TAGLN2: variants seen among roughly 807,000 people sequenced by gnomAD.
TAGLN2 encodes transgelin 2.
Under a neutral mutation model 24.9 loss-of-function variants are expected in TAGLN2, and 14 were observed. That is an observed-to-expected ratio of 0.56 (90% CI 0.37 to 0.88). TAGLN2 has a LOEUF of 0.88. Among genes scored for constraint, TAGLN2 ranks in the 40% least tolerant of loss-of-function variants. The pLI is 0.00. For missense variants in TAGLN2, 208 were observed against 258.9 expected, an observed-to-expected ratio of 0.80 and a Z score of 1.35; for synonymous variants, 77 against 98.2, an observed-to-expected ratio of 0.78 and a Z score of 1.28.
intron 1 of TAGLN2, among the ~76,000 whole-genome samples, chr1:159,922,687 T>C (rs749448915): frequency 6.6e-6 from 1 of 152,110 alleles, no homozygotes; most frequent in Non-Finnish European, 1.5e-5. Flanking sequence ...AGGGACCAAG[T>C]GGCCTGAGGC....
intron 3 of TAGLN2, 38 bp from the exon 4 acceptor site, chr1:159,919,414 G>A: frequency 6.3e-7 from 1 of 1,594,884 alleles, no homozygotes; most frequent in Non-Finnish European, 8.6e-7. Context: ...CCTCCGCAGT[G>A]TCCTAGATAC....
intron 1 of TAGLN2, chr1:159,923,716 C>T (rs1027816132): frequency 7.1e-6 from 3 of 425,530 alleles, no homozygotes; most frequent in African/African-American, 6.1e-5. Context: ...CCCTCACCAC[C>T]GAGAGTCAGG....
At position 159,920,369 on chromosome 1, in the gene TAGLN2, A is replaced by G. The variant is rs1650489908; in HGVS notation, c.141T>C (p.Pro47=). The G allele has an allele frequency of 3.1e-6, 5 of 1,614,218 alleles. No homozygotes were observed. In the South Asian group the frequency reaches 4.4e-5, roughly 14 times the overall value. The change falls in exon 2 of 5, where the codon CCT becomes CCC. Residue 47 remains proline (P), a synonymous_variant. Coordinates refer to ENST00000368097, the MANE Select transcript of TAGLN2 (RefSeq NM_003564.3). ...QCRKDVGRPQ[P]GRENFQNWLK... ...GCCAGTTCTGGAAGTTCTCGCGTCC[A>G]GGCTGGGGCCGGCCCACATCCTTTC...
intron 2 of TAGLN2, 121 bp downstream of exon 2, chr1:159,920,209 G>A: frequency 6.6e-7 from 1 of 1,510,954 alleles, no homozygotes; most frequent in Non-Finnish European, 9.2e-7. Flanking sequence ...CCTTCAAGCT[G>A]AGGAAGAGGC....
At chr1:159,923,700 GGC>G in intron 1 of TAGLN2, 1 of 414,592 alleles carries the variant, frequency 2.4e-6, no homozygotes, top group Non-Finnish European at 4.3e-6. Context: ...ACCACCGTAG[GGC>G]AGCCCCTCAC....
intron 1 of TAGLN2, among the ~76,000 whole-genome samples, chr1:159,924,294 A>G (rs1650634578): frequency 6.6e-6 from 1 of 152,088 alleles, no homozygotes; most frequent in Non-Finnish European, 1.5e-5. Context: ...CCTCCTCTGC[A>G]GTTGTAGGTC....
In TAGLN2 at chr1:159,919,299, A is replaced by G. The variant is rs1346115228; in HGVS notation, c.433T>C (p.Ser145Pro). Residue 145 changes from serine to proline, a missense_variant, in exon 4 of 5, where the codon TCT becomes CCT. Coordinates refer to ENST00000368097, the MANE Select transcript of TAGLN2 (RefSeq NM_003564.3). ...TTAGGGAACCAGTTGGGATCCCCAG[A>G]GAAGAGCCCATCATCTCGGGCTACT... Reference protein sequence around the residue: ...LAVARDDGLFSGDPNWFPKKS... With the variant: ...LAVARDDGLFPGDPNWFPKKS... 1.2e-6 allele frequency: 2 copies of G among 1,614,220 alleles called. No individual in the cohort carries two copies. The highest frequency in any genetic ancestry group is 1.7e-6 in the Non-Finnish European group (2 of 1,180,020).
chr1:159,918,910 C>T lies in TAGLN2; in HGVS notation c.490G>A (p.Asp164Asn), dbSNP rs1345642511. 6.2e-7 allele frequency: 1 copy of T among 1,614,242 alleles called. No homozygotes were observed. Among genetic ancestry groups the T allele is most frequent in the Middle Eastern group, 1.6e-4 (1 of 6,062 alleles). ...TTCTTGCCCTCTTGCAGCTGGTTAT[C>T]CGAGAAGTTCCGAGGATTCTCCTTG... ...KSKENPRNFSDNQLQEGKNVI... is the reference protein window; with the variant it reads ...KSKENPRNFSNNQLQEGKNVI... Residue 164 changes from aspartate to asparagine, a missense_variant, in exon 5 of 5, where the codon GAT becomes AAT. By Grantham distance (23) the Asp-to-Asn change is conservative. Coordinates refer to ENST00000368097, the MANE Select transcript of TAGLN2 (RefSeq NM_003564.3).
rs1302041859 is a variant in TAGLN2, at chr1:159,918,383, CT to C, written c.*416del. 1 of 161,080 alleles carries C rather than the reference CT, an allele frequency of 6.2e-6. No individual in the cohort carries two copies. Among genetic ancestry groups the C allele is most frequent in the Non-Finnish European group, 1.4e-5 (1 of 73,214 alleles). 10.0% of individuals were successfully genotyped at this position (161,080 alleles called of 1,614,324 possible). On this transcript the variant is annotated 3_prime_UTR_variant, in exon 5 of 5. Coordinates refer to ENST00000368097, the MANE Select transcript of TAGLN2 (RefSeq NM_003564.3). ...CAGCCACAGCTGTGGGAGAAGCATA[CT>C]TGTAGAAGCAAGGCCAGTCCAGCAT... is the stretch of plus-strand genomic sequence containing the variant.
rs1650469535 is a variant in TAGLN2 at position 159,919,819 on chromosome 1, A to G, written c.197T>C (p.Ile66Thr). The G allele has an allele frequency of 1.2e-6, 2 of 1,614,002 alleles. No homozygotes were observed. Among genetic ancestry groups the G allele is most frequent in the Non-Finnish European group, 1.7e-6 (2 of 1,179,994 alleles). ...LKDGTVLCEL[I>T]NALYPEGQAP... ...CTGCCCCTCGGGGTACAGTGCATTAATGAGCTCACATAGCACCTGGATGAG... is the reference window on the plus strand; with the variant it reads ...CTGCCCCTCGGGGTACAGTGCATTAGTGAGCTCACATAGCACCTGGATGAG... The change falls in exon 3 of 5, where the codon ATT (isoleucine) becomes ACT (threonine). Residue 66 changes from isoleucine to threonine, a missense_variant. Transcript: ENST00000368097.
At chr1:159,919,605 C>A in intron 3 of TAGLN2, 56 bp downstream of exon 3, 1 of 1,594,758 alleles carries the variant, frequency 6.3e-7, no homozygotes, top group South Asian at 1.1e-5. Context: ...TCAAGAGGGC[C>A]CAGCCCAATC....
At position 159,919,364 on chromosome 1, in the gene TAGLN2, GCCATGT is replaced by G. The variant is rs1427164764; in HGVS notation, c.362_367del (p.Asn121_Ala123delinsThr). On this transcript the variant is annotated inframe_deletion, in exon 4 of 5. Coordinates refer to ENST00000368097, the MANE Select transcript of TAGLN2 (RefSeq NM_003564.3). ...ATTCATCAGCGTCCGCTGCACACAGGCCATGTTCTTTCCTGGGAAGGAGAATGGGAA... is the reference window on the plus strand; with the variant it reads ...ATTCATCAGCGTCCGCTGCACACAGGTCTTTCCTGGGAAGGAGAATGGGAA... The G allele has an allele frequency of 2.5e-6, 4 of 1,614,078 alleles. No individual in the cohort carries two copies. In the African/African-American group the frequency reaches 5.3e-5, roughly 22 times the overall value.
rs1271300147 is a variant in TAGLN2, at chr1:159,919,708, T to A, written c.308A>T (p.Tyr103Phe). Residue 103 changes from tyrosine to phenylalanine, a missense_variant, in exon 3 of 5, where the codon TAT (tyrosine) becomes TTT (phenylalanine). Coordinates refer to ENST00000368097, the MANE Select transcript of TAGLN2 (RefSeq NM_003564.3). The part of the protein sequence containing the change: ...ISQFLQAAER[Y>F]GINTTDIFQT... ...GAAGATGTCAGTGGTGTTAATGCCA[T>A]AGCGCTCAGCTGCTTGCAGGAACTG... 1 of 1,613,650 alleles carries A rather than the reference T, an allele frequency of 6.2e-7. No homozygotes were observed. Among genetic ancestry groups the A allele is most frequent in the East Asian group, 2.2e-5 (1 of 44,864 alleles).
In TAGLN2 at chr1:159,918,884, G is replaced by C; in HGVS notation, c.516C>G (p.Asn172Lys). Residue 172 changes from asparagine to lysine, a missense_variant, in exon 5 of 5, where the codon AAC becomes AAG. Transcript: ENST00000368097. Reference protein sequence around the residue: ...FSDNQLQEGKNVIGLQMGTNR... With the variant: ...FSDNQLQEGKKVIGLQMGTNR... Reference sequence around the variant, plus strand: ...TGGTGCCCATCTGTAACCCGATCACGTTCTTGCCCTCTTGCAGCTGGTTAT... The same window carrying C: ...TGGTGCCCATCTGTAACCCGATCACCTTCTTGCCCTCTTGCAGCTGGTTAT... 1 of 1,614,260 alleles carries C rather than the reference G, an allele frequency of 6.2e-7. No homozygotes were observed. Among genetic ancestry groups the C allele is most frequent in the Non-Finnish European group, 8.5e-7 (1 of 1,180,046 alleles).
Position 159,919,026 on chromosome 1 carries a change from T to C in TAGLN2, c.459-85A>G, listed in dbSNP as rs1650435813. On this transcript the variant is annotated intron_variant, in intron 4 of 4. Transcript: ENST00000368097. Reference sequence around the variant, plus strand: ...CTTGGACAGAGCACAGGCTTTGCTGTTGGCTCAAGGGCTGGTGCCAGCTCT... The same window carrying C: ...CTTGGACAGAGCACAGGCTTTGCTGCTGGCTCAAGGGCTGGTGCCAGCTCT... 3 of 1,575,362 alleles carry C rather than the reference T, an allele frequency of 1.9e-6. No homozygotes were observed. In the East Asian group the frequency reaches 6.7e-5, roughly 35 times the overall value.
At chr1:159,920,878 ATAG>A (rs757929811) in intron 1 of TAGLN2, among the ~76,000 whole-genome samples, 1 of 152,116 alleles carries the variant, frequency 6.6e-6, no homozygotes, top group Non-Finnish European at 1.5e-5. Flanking sequence ...TGTGAAAGAG[ATAG>A]TAGAAGTCCT....
chr1:159,918,764 A>G lies in TAGLN2; in HGVS notation c.*36T>C. 6.2e-7 allele frequency: 1 copy of G among 1,606,860 alleles called. No individual in the cohort carries two copies. Among genetic ancestry groups the G allele is most frequent in the Non-Finnish European group, 8.5e-7 (1 of 1,176,040 alleles). On this transcript the variant is annotated 3_prime_UTR_variant, in exon 5 of 5. Transcript: ENST00000368097. ...ATATATATCTACATATATATTAACC[A>G]TTCGTGGGAGGGCAGGGGCAAGGCC... is the stretch of plus-strand genomic sequence containing the variant.
Position 159,918,892 on chromosome 1 carries a change from C to T in TAGLN2, c.508G>A (p.Gly170Ser). The change falls in exon 5 of 5, where the codon GGC becomes AGC. Residue 170 changes from glycine to serine, a missense_variant. Physicochemically the swap from Gly to Ser is moderately conservative, Grantham distance 56. Transcript: ENST00000368097. ...RNFSDNQLQE[G>S]KNVIGLQMGT... is the part of the protein sequence containing the mutation. ...ATCTGTAACCCGATCACGTTCTTGC[C>T]CTCTTGCAGCTGGTTATCCGAGAAG... 5 of 1,614,244 alleles carry T rather than the reference C, an allele frequency of 3.1e-6. No homozygotes were observed. The highest frequency in any genetic ancestry group is 4.2e-6 in the Non-Finnish European group (5 of 1,180,040).
rs777622514 is a variant in TAGLN2 at position 159,919,225 on chromosome 1, C to A, written c.458+49G>T. Reference sequence around the variant, plus strand: ...GTTATTTCCTAGGGACAGGATTGGGCAGAAACAATGCACCTGCTGGACCCT... The same window carrying A: ...GTTATTTCCTAGGGACAGGATTGGGAAGAAACAATGCACCTGCTGGACCCT... On this transcript the variant is annotated intron_variant, in intron 4 of 4. Transcript: ENST00000368097. The A allele has an allele frequency of 3.9e-6, 6 of 1,556,968 alleles. No homozygotes were observed. In the South Asian group the frequency reaches 6.7e-5, roughly 17 times the overall value.
Sources: allele counts gnomAD v4.1 joint callset (sites outside exome capture counted in the v4.1 genomes callset), GRCh38; gene constraint gnomAD v4.1.1; transcripts MANE v1.5; gene names NCBI Gene and HGNC (gene_info 2026-07-23, HGNC 2026-07-21).